The following TAFA1 variants were observed in gnomAD, a reference collection of about 807,000 sequenced individuals.
The protein encoded by TAFA1 is chemokine-like protein TAFA-1.
TAFA1 carries 4 observed loss-of-function variants against 18.5 expected under a neutral mutation model. The observed-to-expected ratio is 0.22, with a 90% CI of 0.11 to 0.49. The LOEUF (loss-of-function observed/expected upper bound fraction) is 0.49. Among genes scored for constraint, TAFA1 ranks in the 20% least tolerant of loss-of-function variants. The pLI is 0.98. For synonymous variants in TAFA1, 56 were observed against 55.2 expected (o/e 1.01, Z -0.06); for missense variants, 147 against 169.0 (o/e 0.87, Z 0.72).
At chr3:68,446,112 G>A (rs1177638588) in intron 3 of TAFA1, among the ~76,000 whole-genome samples, 1 of 151,986 alleles carries the variant, frequency 6.6e-6, no homozygotes, top group Non-Finnish European at 1.5e-5. Context: ...TTGCTATGTT[G>A]CTCAGGCTGT....
chr3:68,311,917 C>G (rs187104001), intron 2 of TAFA1, among the ~76,000 whole-genome samples: 28 of 152,344 alleles, frequency 1.8e-4, no homozygotes, highest in Non-Finnish European at 3.2e-4. Flanking sequence ...GAGGGGCATG[C>G]CCCTGCAGCA....
At chr3:68,310,199 A>C (rs2068490935) in intron 2 of TAFA1, among the ~76,000 whole-genome samples, 1 of 152,194 alleles carries the variant, frequency 6.6e-6, no homozygotes, top group Admixed American at 6.5e-5. Context: ...GATACTTTAA[A>C]AGCTTACTTG....
chr3:68,200,532 T>C (rs1312883853), intron 2 of TAFA1, among the ~76,000 whole-genome samples: 1 of 151,634 alleles, frequency 6.6e-6, no homozygotes, highest in Non-Finnish European at 1.5e-5. Flanking sequence ...CTATTTAAAA[T>C]GTCTGTGTCT....
intron 2 of TAFA1, among the ~76,000 whole-genome samples, chr3:68,075,680 C>T (rs991408250): frequency 6.7e-6 from 1 of 150,156 alleles, no homozygotes; most frequent in East Asian, 2.0e-4. Flanking sequence ...CCAAGAACGA[C>T]TATCTTTTCT....
intron 2 of TAFA1, among the ~76,000 whole-genome samples, chr3:68,366,621 C>A (rs935933508): frequency 6.6e-6 from 1 of 152,164 alleles, no homozygotes; most frequent in African/African-American, 2.4e-5. Context: ...CAATATGTGG[C>A]AGGGCTTCAA....
intron 3 of TAFA1, among the ~76,000 whole-genome samples, chr3:68,451,848 G>C (rs1231732450): frequency 1.3e-5 from 2 of 152,194 alleles, no homozygotes; most frequent in Non-Finnish European, 2.9e-5. Context: ...GGAGTTAGCT[G>C]ATACTAAAAG....
chr3:68,369,697 T>C (rs2069642575), intron 2 of TAFA1, among the ~76,000 whole-genome samples: 2 of 152,234 alleles, frequency 1.3e-5, no homozygotes, highest in African/African-American at 2.4e-5. Flanking sequence ...CACTCTCACA[T>C]TGTTTTCAAT....
chr3:68,025,724 G>A (rs1040232634), intron 2 of TAFA1, among the ~76,000 whole-genome samples: 2 of 152,110 alleles, frequency 1.3e-5, no homozygotes, highest in African/African-American at 4.8e-5. Flanking sequence ...CTCTTCCCCA[G>A]ATGTCTACGT....
At chr3:68,258,906 C>G (rs1371426200) in intron 2 of TAFA1, among the ~76,000 whole-genome samples, 1 of 152,200 alleles carries the variant, frequency 6.6e-6, no homozygotes, top group Non-Finnish European at 1.5e-5. Context: ...CTACAGATCT[C>G]ACCTAGACCC....
intron 2 of TAFA1, among the ~76,000 whole-genome samples, chr3:68,305,615 A>C (rs2068403839): frequency 6.6e-6 from 1 of 151,442 alleles, no homozygotes; most frequent in Non-Finnish European, 1.5e-5. Flanking sequence ...TACACTAGTA[A>C]ATTTCCTAGC....
intron 2 of TAFA1, among the ~76,000 whole-genome samples, chr3:68,063,745 T>C (rs865950863): frequency 4.6e-5 from 7 of 152,220 alleles, no homozygotes; most frequent in Non-Finnish European, 1.5e-5. Flanking sequence ...ATACATCTTA[T>C]TATATCACAC....
At position 68,513,019 on chromosome 3, in the gene TAFA1, A is replaced by C. The variant is rs150109209; in HGVS notation, c.260-25737A>C. Among the ~76,000 whole-genome samples the C allele has an allele frequency of 6.3e-3, 961 of 152,096 alleles. 12 individuals are homozygous for C. Among genetic ancestry groups the C allele is most frequent in the African/African-American group, 0.021 (890 of 41,490 alleles). On this transcript the variant is annotated intron_variant, in intron 3 of 4. Coordinates refer to ENST00000478136, the MANE Select transcript of TAFA1 (RefSeq NM_213609.4). ...TGGAGGTCCATGTTGTGTGTGGTAG[A>C]CTCACTTTACAGATGAGAATCTGAG...
At chr3:68,108,257 GCTC>G (rs574431530) in intron 2 of TAFA1, among the ~76,000 whole-genome samples, 9 of 152,148 alleles carry the variant, frequency 5.9e-5, no homozygotes, top group Admixed American at 3.3e-4. Context: ...AGCTGTGAGA[GCTC>G]CTTTTGAATG....
intron 2 of TAFA1, among the ~76,000 whole-genome samples, chr3:68,208,239 G>A (rs922651016): frequency 2.6e-5 from 4 of 151,856 alleles, no homozygotes; most frequent in African/African-American, 9.7e-5. Context: ...TCAATAACAT[G>A]CAGCATCAGC....
chr3:68,476,772 C>A (rs1442238133), intron 3 of TAFA1, among the ~76,000 whole-genome samples: 3 of 152,110 alleles, frequency 2.0e-5, no homozygotes, highest in Non-Finnish European at 2.9e-5. Flanking sequence ...ATATAGAACC[C>A]ATTTGTAACC....
intron 2 of TAFA1, among the ~76,000 whole-genome samples, chr3:68,150,631 G>A (rs1160899416): frequency 2.6e-5 from 4 of 152,082 alleles, no homozygotes; most frequent in African/African-American, 4.8e-5. Flanking sequence ...GAAATGAGGT[G>A]TTGCAAGATG....
chr3:68,355,272 C>A (rs1388504), intron 2 of TAFA1, among the ~76,000 whole-genome samples: 2,049 of 152,000 alleles, frequency 0.013, 49 homozygotes, highest in African/African-American at 0.047. Flanking sequence ...TCCTCTAAGT[C>A]TGGGCTTGGG....
chr3:68,033,383 A>T (rs988552971), intron 2 of TAFA1, among the ~76,000 whole-genome samples: 7 of 152,166 alleles, frequency 4.6e-5, no homozygotes, highest in South Asian at 4.1e-4. Context: ...TTATCTTTAT[A>T]TCCTTTAGGA....
intron 3 of TAFA1, among the ~76,000 whole-genome samples, chr3:68,496,400 A>G (rs1466996913): frequency 5.9e-5 from 9 of 152,114 alleles, no homozygotes; most frequent in Non-Finnish European, 1.3e-4. Flanking sequence ...GTATCTTGCA[A>G]TGGTCCCTAT....
Sources: allele counts gnomAD v4.1 joint callset (sites outside exome capture counted in the v4.1 genomes callset), GRCh38; gene constraint gnomAD v4.1.1; transcripts MANE v1.5; gene names NCBI Gene and HGNC (gene_info 2026-07-23, HGNC 2026-07-21).